Variants in GRIP1 observed in about 807,000 individuals in gnomAD.
GRIP1 encodes glutamate receptor-interacting protein 1.
A neutral mutation model predicts 129.9 loss-of-function variants in GRIP1; 45 were observed. The ratio of observed to expected loss-of-function variants is 0.35; its 90% CI spans 0.27 to 0.44. GRIP1 has a LOEUF of 0.44. GRIP1 is among the 20% of genes least tolerant of loss of function. The pLI is 1.00. For missense variants in GRIP1, 1,196 were observed against 1,396.8 expected (o/e 0.86, Z 2.29); for synonymous variants, 530 against 520.8 (o/e 1.02, Z -0.24).
intron 1 of GRIP1, chr12:67,035,550 A>C (rs1437479937): frequency 6.6e-6 from 1 of 152,234 alleles, no homozygotes; most frequent in African/African-American, 2.4e-5. Context: ...CAGAATTGAC[A>C]ATGATGAACA....
At chr12:66,521,738 G>A (rs1317583654) in intron 5 of GRIP1, among the ~76,000 whole-genome samples, 1 of 152,206 alleles carries the variant, frequency 6.6e-6, no homozygotes, top group African/African-American at 2.4e-5. Context: ...GGGTCAGGGA[G>A]TTCCCTTTCC....
intron 1 of GRIP1, among the ~76,000 whole-genome samples, chr12:66,662,728 T>G (rs560370951): frequency 3.9e-5 from 6 of 152,334 alleles, no homozygotes; most frequent in African/African-American, 1.4e-4. Context: ...TATTCTACCC[T>G]GTTTCTCTTC....
intron 1 of GRIP1, among the ~76,000 whole-genome samples, chr12:66,800,708 A>T (rs183047341): frequency 4.6e-5 from 7 of 152,182 alleles, no homozygotes; most frequent in African/African-American, 1.4e-4. Context: ...CACCAAACAT[A>T]AAAAAATGGA....
chr12:66,686,475 G>A (rs2034790320), intron 1 of GRIP1, among the ~76,000 whole-genome samples: 1 of 152,208 alleles, frequency 6.6e-6, no homozygotes, highest in South Asian at 2.1e-4. Context: ...TCATGCGTCT[G>A]TTTTTGGAAG....
At chr12:66,985,489 CT>C (rs1469339439) in intron 1 of GRIP1, among the ~76,000 whole-genome samples, 2 of 152,116 alleles carry the variant, frequency 1.3e-5, no homozygotes, top group Non-Finnish European at 2.9e-5. Context: ...AAAATTTTTA[CT>C]GTTTAAATTT....
At chr12:67,023,515 G>C (rs554585431) in intron 1 of GRIP1, among the ~76,000 whole-genome samples, 3 of 151,282 alleles carry the variant, frequency 2.0e-5, no homozygotes, top group Non-Finnish European at 4.4e-5. Context: ...ATACCATACT[G>C]TCTTGATTAT....
At chr12:66,627,392 T>G (rs1047873668) in intron 1 of GRIP1, among the ~76,000 whole-genome samples, 1 of 152,210 alleles carries the variant, frequency 6.6e-6, no homozygotes, top group Non-Finnish European at 1.5e-5. Context: ...ACTTTCTCAT[T>G]CACTCATTAA....
chr12:66,920,300 C>T (rs2041191720), intron 1 of GRIP1, among the ~76,000 whole-genome samples: 1 of 152,142 alleles, frequency 6.6e-6, no homozygotes, highest in Non-Finnish European at 1.5e-5. Context: ...CGTGCTTTTA[C>T]TCTCCCGCCT....
At chr12:66,894,089 A>G (rs2040705681) in intron 1 of GRIP1, among the ~76,000 whole-genome samples, 1 of 152,130 alleles carries the variant, frequency 6.6e-6, no homozygotes, top group African/African-American at 2.4e-5. Flanking sequence ...TCAAAAGTCC[A>G]CATGCCTTGC....
intron 1 of GRIP1, among the ~76,000 whole-genome samples, chr12:66,758,348 C>T (rs922664425): frequency 6.6e-6 from 1 of 152,148 alleles, no homozygotes; most frequent in Admixed American, 6.6e-5. Context: ...ACAAGAATAG[C>T]ATGGGAAAGA....
At chr12:66,602,112 CT>C (rs1205768836) in intron 1 of GRIP1, among the ~76,000 whole-genome samples, 5 of 152,130 alleles carry the variant, frequency 3.3e-5, no homozygotes. Flanking sequence ...CCATTTTAGG[CT>C]TTCAGATAAC....
chr12:66,608,799 A>G (rs574855805), intron 1 of GRIP1, among the ~76,000 whole-genome samples: 126 of 152,226 alleles, frequency 8.3e-4, no homozygotes, highest in Middle Eastern at 3.4e-3. Context: ...GTGAGGATTG[A>G]ACAAAGCAGT....
intron 1 of GRIP1, among the ~76,000 whole-genome samples, chr12:66,739,143 C>G (rs2036707506): frequency 6.6e-6 from 1 of 152,160 alleles, no homozygotes; most frequent in South Asian, 2.1e-4. Context: ...TCTACTGTAA[C>G]TCATGCCAAC....
chr12:66,925,598 T>C (rs1333688510), intron 1 of GRIP1, among the ~76,000 whole-genome samples: 1 of 152,200 alleles, frequency 6.6e-6, no homozygotes, highest in Admixed American at 6.6e-5. Context: ...ATATAGATTA[T>C]ACTATAATCT....
At chr12:66,904,890 C>A (rs74469714) in intron 1 of GRIP1, among the ~76,000 whole-genome samples, 83 of 136,962 alleles carry the variant, frequency 6.1e-4, no homozygotes, top group Non-Finnish European at 6.3e-4. Flanking sequence ...GACTCCGTCT[C>A]AAAAAAAAAA....
In GRIP1 at chr12:66,420,782, G is replaced by A. The variant is rs770162246; in HGVS notation, c.1776C>T (p.Ser592=). 12 of 1,555,698 alleles carry A rather than the reference G, an allele frequency of 7.7e-6. No individual in the cohort carries two copies. The Middle Eastern group carries it at 6.7e-4, about 87-fold the overall frequency. The change falls in exon 15 of 25, where the codon TCC becomes TCT. Residue 592 remains serine, a synonymous_variant. Coordinates refer to ENST00000359742, the MANE Select transcript of GRIP1 (RefSeq NM_001366722.1). The part of the protein sequence containing the change: ...VELGITISSP[S]SRKPGDPLVI... Reference sequence around the variant, plus strand: ...CGAGGGGGTCTCCTGGTTTTCTACTGGATGGTGCTGTAATAATGGAGATAG... The same window carrying A: ...CGAGGGGGTCTCCTGGTTTTCTACTAGATGGTGCTGTAATAATGGAGATAG...
chr12:66,723,304 C>CTTTTT (rs57938064), intron 1 of GRIP1, among the ~76,000 whole-genome samples: 3 of 58,416 alleles, frequency 5.1e-5, no homozygotes, highest in Admixed American at 2.4e-4. Flanking sequence ...TTCTTTCTTT[C>CTTTTT]TTTTTTTTTT....
intron 23 of GRIP1, among the ~76,000 whole-genome samples, chr12:66,353,785 G>A (rs2054348140): frequency 6.6e-6 from 1 of 152,182 alleles, no homozygotes; most frequent in Admixed American, 6.5e-5. Flanking sequence ...GAGGAGAACT[G>A]GAACGTCTGG....
intron 1 of GRIP1, among the ~76,000 whole-genome samples, chr12:66,946,729 C>T (rs552415070): frequency 9.7e-5 from 13 of 133,926 alleles, no homozygotes; most frequent in African/African-American, 1.7e-4. Flanking sequence ...TGGTAGTTTA[C>T]GCCTGTAATT....
Sources: gnomAD v4.1 joint callset for allele counts (sites outside exome capture counted in the v4.1 genomes callset) on GRCh38, gnomAD v4.1.1 for gene constraint, MANE v1.5 for transcripts, NCBI Gene and HGNC (gene_info 2026-07-23, HGNC 2026-07-21) for gene names.